PPP1R9A: variants seen among roughly 807,000 people sequenced by gnomAD.
PPP1R9A encodes the protein protein phosphatase 1 regulatory subunit 9A.
Under a neutral mutation model 141.9 loss-of-function variants are expected in PPP1R9A, and 59 were observed. The ratio of observed to expected loss-of-function variants is 0.42; its 90% CI spans 0.34 to 0.52. PPP1R9A has a LOEUF of 0.52. Among genes scored for constraint, PPP1R9A ranks in the 20% least tolerant of loss-of-function variants. The pLI, the probability that PPP1R9A is intolerant of heterozygous loss-of-function variation, is 0.10. For synonymous variants in PPP1R9A, 500 were observed against 569.7 expected (o/e 0.88, Z 1.74); for missense variants, 1,444 against 1,611.9 (o/e 0.90, Z 1.78).
intron 2 of PPP1R9A, among the ~76,000 whole-genome samples, chr7:95,003,779 T>C (rs1234356432): frequency 6.6e-6 from 1 of 152,200 alleles, no homozygotes; most frequent in Non-Finnish European, 1.5e-5. Flanking sequence ...GTTAATTGGA[T>C]TCCTTAGGTA....
intron 2 of PPP1R9A, among the ~76,000 whole-genome samples, chr7:95,078,288 T>A (rs59946377): frequency 0.024 from 3,683 of 152,036 alleles, 165 homozygotes; most frequent in African/African-American, 0.085. Flanking sequence ...ATTTCATCCA[T>A]GTCCCTACAA....
intron 2 of PPP1R9A, among the ~76,000 whole-genome samples, chr7:94,924,346 CCTT>C (rs1793192409): frequency 1.3e-5 from 2 of 152,130 alleles, no homozygotes; most frequent in South Asian, 2.1e-4. Flanking sequence ...CTTGCTGGCT[CCTT>C]CTCTGTATAA....
chr7:95,230,891 A>C lies in PPP1R9A; in HGVS notation c.2112+4775A>C, dbSNP rs562411174. On this transcript the variant is annotated intron_variant, in intron 8 of 19. Transcript: ENST00000433360. ...AGCAATAAATAGCACAATGAGTAGA[A>C]TAGTACCTCACATGTCAATACTAAC... Among the ~76,000 whole-genome samples the C allele has an allele frequency of 3.4e-4, 52 of 152,306 alleles. 2 individuals carry two copies. In the South Asian group the frequency reaches 8.1e-3, roughly 24 times the overall value.
intron 4 of PPP1R9A, among the ~76,000 whole-genome samples, chr7:95,125,081 G>T (rs918591806): frequency 1.3e-5 from 2 of 152,078 alleles, no homozygotes; most frequent in East Asian, 3.9e-4. Flanking sequence ...ATCCTATGAT[G>T]CCTTAAACTT....
At chr7:95,088,811 GA>G (rs1337134598) in intron 2 of PPP1R9A, among the ~76,000 whole-genome samples, 3 of 151,946 alleles carry the variant, frequency 2.0e-5, no homozygotes, top group Non-Finnish European at 4.4e-5. Context: ...ATAAAGCTGG[GA>G]AAAGGTGATT....
Position 95,010,957 on chromosome 7 carries a change from T to A in PPP1R9A, c.1395+99449T>A, listed in dbSNP as rs1173361919. 2.6e-5 allele frequency among the ~76,000 whole-genome samples: 4 copies of A among 152,240 alleles called. No homozygotes were observed. The East Asian group carries it at 7.7e-4, about 29-fold the overall frequency. ...GTTGGTATTGCACGTAGAAAGTAGG[T>A]AAAAATGATAAATTGGAGTCTGCCT... On this transcript the variant is annotated intron_variant, in intron 2 of 19. Coordinates refer to ENST00000433360, the MANE Select transcript of PPP1R9A (RefSeq NM_001166160.2).
In PPP1R9A at chr7:94,994,907, A is replaced by C. The variant is rs181516465; in HGVS notation, c.1395+83399A>C. Reference sequence around the variant, plus strand: ...CTCCGTCTCAAAAAAAAAAAACACAAAAAACCCACAAAACCCAAATTGCTT... The same window carrying C: ...CTCCGTCTCAAAAAAAAAAAACACACAAAACCCACAAAACCCAAATTGCTT... On this transcript the variant is annotated intron_variant, in intron 2 of 19. Coordinates refer to ENST00000433360, the MANE Select transcript of PPP1R9A (RefSeq NM_001166160.2). Among the ~76,000 whole-genome samples the C allele has an allele frequency of 5.7e-3, 863 of 152,024 alleles. 9 individuals carry two copies. Among genetic ancestry groups the C allele is most frequent in the African/African-American group, 0.02 (818 of 41,476 alleles).
intron 4 of PPP1R9A, 39 bp from the exon 5 acceptor site, chr7:95,161,828 T>C (rs2152712406): frequency 7.7e-7 from 1 of 1,292,594 alleles, no homozygotes; most frequent in East Asian, 2.5e-5. Context: ...ATTAATTTTT[T>C]ATGTAATTTA....
At chr7:95,014,880 TA>T (rs1225256324) in intron 2 of PPP1R9A, among the ~76,000 whole-genome samples, 2 of 152,084 alleles carry the variant, frequency 1.3e-5, no homozygotes, top group Non-Finnish European at 2.9e-5. Context: ...ATCTATGAGT[TA>T]AAATCCATTA....
In PPP1R9A at chr7:95,075,002, T is replaced by G. The variant is rs542692625; in HGVS notation, c.1396-36257T>G. The stretch of plus-strand genomic sequence containing the variant: ...TTGTATTTTTTTCTCATGAACTACA[T>G]GTCCATGTAATTGGTTCATTTTTCT... On this transcript the variant is annotated intron_variant, in intron 2 of 19. Transcript: ENST00000433360. 5.3e-5 allele frequency among the ~76,000 whole-genome samples: 8 copies of G among 152,224 alleles called. No individual in the cohort carries two copies. In the South Asian group the frequency reaches 6.2e-4, roughly 12 times the overall value.
intron 1 of PPP1R9A, chr7:94,908,527 C>T (rs1791057446): frequency 6.6e-6 from 1 of 152,298 alleles, no homozygotes; most frequent in Non-Finnish European, 1.5e-5. Context: ...GTCACCTGCT[C>T]TCCCGGTCCT....
intron 2 of PPP1R9A, among the ~76,000 whole-genome samples, chr7:94,981,731 G>C (rs1403980153): frequency 6.6e-6 from 1 of 152,014 alleles, no homozygotes. Flanking sequence ...TTTCACACTA[G>C]TGTCCATATT....
intron 2 of PPP1R9A, among the ~76,000 whole-genome samples, chr7:95,056,806 G>A (rs143840752): frequency 0.022 from 3,413 of 152,042 alleles, 56 homozygotes; most frequent in Middle Eastern, 0.037. Flanking sequence ...TTTAGGAGAA[G>A]CTCCTAAGAA....
intron 5 of PPP1R9A, among the ~76,000 whole-genome samples, chr7:95,172,052 GA>G (rs1323882482): frequency 1.3e-5 from 2 of 151,572 alleles, no homozygotes; most frequent in Non-Finnish European, 3.0e-5. Context: ...AATAGATGTA[GA>G]TTTTTTTAAA....
chr7:95,108,123 T>G (rs1192102639), intron 2 of PPP1R9A, among the ~76,000 whole-genome samples: 2 of 152,054 alleles, frequency 1.3e-5, no homozygotes, highest in Non-Finnish European at 2.9e-5. Flanking sequence ...GTTAAAGCTC[T>G]TGGATTTTCC....
chr7:95,224,162 G>A (rs550484821), intron 7 of PPP1R9A, among the ~76,000 whole-genome samples: 1 of 152,086 alleles, frequency 6.6e-6, no homozygotes, highest in Non-Finnish European at 1.5e-5. Context: ...TTATAGTTTA[G>A]ACATTTTCAG....
chr7:95,070,608 TATAC>T (rs1584525375), intron 2 of PPP1R9A, among the ~76,000 whole-genome samples: 1 of 128,730 alleles, frequency 7.8e-6, no homozygotes, highest in Admixed American at 7.8e-5. Flanking sequence ...TATATATATA[TATAC>T]ACACACACAC....
intron 2 of PPP1R9A, among the ~76,000 whole-genome samples, chr7:95,008,132 A>G (rs1256403606): frequency 1.3e-5 from 2 of 152,162 alleles, no homozygotes; most frequent in African/African-American, 4.8e-5. Flanking sequence ...TAAAATTGAA[A>G]TAATGTCTAT....
At chr7:95,158,158 CATG>C (rs2152696277) in intron 4 of PPP1R9A, among the ~76,000 whole-genome samples, 1 of 152,192 alleles carries the variant, frequency 6.6e-6, no homozygotes, top group African/African-American at 2.4e-5. Context: ...AACCTACAAA[CATG>C]ATGATGCACA....
Sources: gnomAD v4.1 joint callset for allele counts (sites outside exome capture counted in the v4.1 genomes callset) on GRCh38, gnomAD v4.1.1 for gene constraint, MANE v1.5 for transcripts, NCBI Gene and HGNC (gene_info 2026-07-23, HGNC 2026-07-21) for gene names.